The following NBAS variants were observed in gnomAD, a reference collection of about 807,000 sequenced individuals.
The protein encoded by NBAS is NAG/BC035112 fusion.
Under a neutral mutation model 302.5 loss-of-function variants are expected in NBAS, and 219 were observed. The observed-to-expected ratio is 0.72, with a 90% CI of 0.65 to 0.81. The LOEUF is 0.81. NBAS is among the 30% of genes least tolerant of loss of function. The pLI, the probability that NBAS is intolerant of heterozygous loss-of-function variation, is 0.00. For missense variants in NBAS, 2,932 were observed against 2,841.6 expected (o/e 1.03, Z -0.72); for synonymous variants, 1,118 against 1,021.6 (o/e 1.09, Z -1.80).
intron 19 of NBAS, among the ~76,000 whole-genome samples, chr2:15,462,952 A>G (rs914161929): frequency 4.6e-5 from 7 of 152,198 alleles, no homozygotes; most frequent in South Asian, 2.1e-4. Context: ...ATGCATACTC[A>G]TGGAAACCAA....
At chr2:15,311,791 A>G (rs1366835797) in intron 38 of NBAS, among the ~76,000 whole-genome samples, 3 of 152,116 alleles carry the variant, frequency 2.0e-5, no homozygotes, top group African/African-American at 7.2e-5. Flanking sequence ...TCAGAGTCAC[A>G]GTAACTTTTT....
At chr2:15,058,487 C>A in the NBAS span, among the ~76,000 whole-genome samples, 1 of 152,258 alleles carries the variant, frequency 6.6e-6, no homozygotes, top group East Asian at 1.9e-4. Context: ...ATTTCTACCA[C>A]ATGATTGAGC....
chr2:15,014,368 AACATATTTTAGG>A, the NBAS span, among the ~76,000 whole-genome samples: 2 of 152,174 alleles, frequency 1.3e-5, no homozygotes, highest in African/African-American at 4.8e-5. Flanking sequence ...TCCAGAATGA[AACATATTTTAGG>A]ACACAAAACA....
chr2:15,548,258 A>G (rs549374968), intron 6 of NBAS, among the ~76,000 whole-genome samples: 8 of 148,690 alleles, frequency 5.4e-5, no homozygotes, highest in Admixed American at 5.3e-4. Context: ...GCTAAGCACG[A>G]AAAAAAAAAG....
At chr2:15,442,534 C>T (rs1309066762) in intron 21 of NBAS, among the ~76,000 whole-genome samples, 1 of 151,888 alleles carries the variant, frequency 6.6e-6, no homozygotes, top group Non-Finnish European at 1.5e-5. Flanking sequence ...GCACTAAATG[C>T]CCACAAGAGA....
intron 44 of NBAS, 44 bp from the exon 45 acceptor site, chr2:15,238,730 C>T (rs749004846): frequency 2.2e-5 from 34 of 1,518,046 alleles, no homozygotes; most frequent in Non-Finnish European, 2.9e-5. Context: ...TGCATTATTA[C>T]CTATTGCATA....
intron 22 of NBAS, among the ~76,000 whole-genome samples, chr2:15,425,425 G>A (rs1558326516): frequency 6.6e-6 from 1 of 152,098 alleles, no homozygotes; most frequent in African/African-American, 2.4e-5. Context: ...TTTAAACGGG[G>A]AAAACACTAT....
In NBAS at chr2:15,474,215, C is replaced by T. The variant is rs753405322; in HGVS notation, c.1451G>A (p.Arg484His). Residue 484 changes from arginine to histidine, a missense_variant, in exon 15 of 52, where the codon CGC becomes CAC. Transcript: ENST00000281513. ...GCCCTGTTTTATATAACCAAAGTAG[C>T]GAGCCTTGGCAGATATTTCATAATC... is the stretch of plus-strand genomic sequence containing the variant. ...DSDYEISAKA[R>H]YFGYIKQGLY... 21 of 1,613,930 alleles carry T rather than the reference C, an allele frequency of 1.3e-5. No homozygotes were observed. The highest frequency in any genetic ancestry group is 5.0e-5 in the Admixed American group (3 of 59,986).
the NBAS span, among the ~76,000 whole-genome samples, chr2:15,078,245 A>G: frequency 5.3e-5 from 8 of 152,312 alleles, no homozygotes; most frequent in Admixed American, 5.2e-4. Flanking sequence ...GGAAGTAACA[A>G]GGTCAAATGT....
At chr2:15,399,424 GA>G (rs1300622714) in intron 26 of NBAS, among the ~76,000 whole-genome samples, 1 of 152,068 alleles carries the variant, frequency 6.6e-6, no homozygotes, top group Non-Finnish European at 1.5e-5. Context: ...TAAATGATGG[GA>G]ACAACAGTTT....
the NBAS span, among the ~76,000 whole-genome samples, chr2:14,912,418 C>T: frequency 1.3e-5 from 2 of 152,036 alleles, no homozygotes; most frequent in South Asian, 4.2e-4. Context: ...ATTACCTCAC[C>T]TCAAAGTACT....
intron 45 of NBAS, among the ~76,000 whole-genome samples, chr2:15,237,604 TTATTTATC>T (rs1457381101): frequency 7.5e-6 from 1 of 132,984 alleles, no homozygotes; most frequent in Non-Finnish European, 1.6e-5. Context: ...ATTTATTTAT[TTATTTATC>T]TGAGACAGAG....
the NBAS span, among the ~76,000 whole-genome samples, chr2:14,824,750 G>T: frequency 6.6e-6 from 1 of 152,162 alleles, no homozygotes; most frequent in South Asian, 2.1e-4. Flanking sequence ...AGCAGTGGGA[G>T]CTGGAGTAAT....
intron 44 of NBAS, among the ~76,000 whole-genome samples, chr2:15,272,112 A>G (rs1246975344): frequency 6.6e-6 from 1 of 152,206 alleles, no homozygotes; most frequent in Non-Finnish European, 1.5e-5. Flanking sequence ...GACTGTTACC[A>G]TGAAAGTGAA....
chr2:15,061,046 C>T, the NBAS span, among the ~76,000 whole-genome samples: 8 of 152,106 alleles, frequency 5.3e-5, no homozygotes, highest in Admixed American at 5.2e-4. Flanking sequence ...CAAAGAGAAG[C>T]CTTAAGTACT....
At chr2:15,509,816 T>C (rs987207410) in intron 10 of NBAS, among the ~76,000 whole-genome samples, 4 of 151,842 alleles carry the variant, frequency 2.6e-5, no homozygotes, top group African/African-American at 9.7e-5. Flanking sequence ...CTAGGTAACA[T>C]GGTAAACCCA....
the NBAS span, among the ~76,000 whole-genome samples, chr2:14,900,615 AC>A: frequency 6.6e-6 from 1 of 152,204 alleles, no homozygotes; most frequent in South Asian, 2.1e-4. Flanking sequence ...TTCTAAAATA[AC>A]AACTCCATTA....
chr2:15,348,950 A>C (rs2148290555), intron 35 of NBAS, among the ~76,000 whole-genome samples: 1 of 152,316 alleles, frequency 6.6e-6, no homozygotes, highest in South Asian at 2.1e-4. Context: ...TAAAGGACTC[A>C]AGGAAAACTT....
chr2:15,342,375 T>G (rs1314161604), intron 35 of NBAS, among the ~76,000 whole-genome samples: 3 of 152,222 alleles, frequency 2.0e-5, no homozygotes, highest in Non-Finnish European at 2.9e-5. Flanking sequence ...GATGCCATTA[T>G]GTAAATGGTC....
Sources: allele counts gnomAD v4.1 joint callset (sites outside exome capture counted in the v4.1 genomes callset), GRCh38; gene constraint gnomAD v4.1.1; transcripts MANE v1.5; gene names NCBI Gene and HGNC (gene_info 2026-07-23, HGNC 2026-07-21).